The following RAP1GDS1 variants were observed in gnomAD, a reference collection of about 807,000 sequenced individuals.
The protein encoded by RAP1GDS1 is RAP1, GTP-GDP dissociation stimulator 1.
A neutral mutation model predicts 71.1 loss-of-function variants in RAP1GDS1; 35 were observed. The ratio of observed to expected loss-of-function variants is 0.49; its 90% confidence interval spans 0.38 to 0.65. The LOEUF is 0.65. Among genes scored for constraint, RAP1GDS1 ranks in the 30% least tolerant of loss-of-function variants. The pLI is 0.00. For missense variants in RAP1GDS1, 663 were observed against 706.1 expected, an observed-to-expected ratio of 0.94 and a Z score of 0.69; for synonymous variants, 229 against 243.1, an observed-to-expected ratio of 0.94 and a Z score of 0.54.
At chr4:98,324,029 G>A (rs535288069) in intron 2 of RAP1GDS1, among the ~76,000 whole-genome samples, 21 of 150,902 alleles carry the variant, frequency 1.4e-4, no homozygotes, top group Admixed American at 7.9e-4. Flanking sequence ...AAACCCCATC[G>A]TCTCAGCCCA....
intron 2 of RAP1GDS1, among the ~76,000 whole-genome samples, chr4:98,319,418 G>A (rs540011002): frequency 2.0e-5 from 3 of 152,276 alleles, no homozygotes; most frequent in East Asian, 3.9e-4. Flanking sequence ...GATGTAATAT[G>A]TATTGGTTTA....
intron 1 of RAP1GDS1, among the ~76,000 whole-genome samples, chr4:98,264,661 A>T (rs1722489587): frequency 6.6e-6 from 1 of 152,184 alleles, no homozygotes; most frequent in Non-Finnish European, 1.5e-5. Flanking sequence ...ATTATAATAG[A>T]AGTAAAAGTA....
rs779613991 is a variant in RAP1GDS1 at position 98,379,102 on chromosome 4, C to T, written c.447C>T (p.Pro149=). 78 of 1,610,218 alleles carry T rather than the reference C, an allele frequency of 4.8e-5. No individual in the cohort carries two copies. Among genetic ancestry groups the T allele is most frequent in the South Asian group, 1.1e-4 (10 of 90,608 alleles). The change falls in exon 5 of 15, where the codon CCC becomes CCT. Residue 149 remains proline (P), a synonymous_variant. Coordinates refer to ENST00000408927, the MANE Select transcript of RAP1GDS1 (RefSeq NM_001100427.2). The part of the protein sequence containing the change: ...HLRSLCSITD[P]ANEKLLTVFC... ...GGTCACTGTGCAGTATAACAGATCC[C>T]GCCAATGAGAAGCTCTTGACTGTCT...
chr4:98,352,451 A>C (rs1405121742), intron 3 of RAP1GDS1, 25 bp from the exon 4 acceptor site: 1 of 1,606,744 alleles, frequency 6.2e-7, no homozygotes, highest in East Asian at 2.2e-5. Context: ...TTAGATTTTT[A>C]ATTAAACATG....
At chr4:98,413,320 C>G (rs1747366157) in intron 7 of RAP1GDS1, among the ~76,000 whole-genome samples, 1 of 152,058 alleles carries the variant, frequency 6.6e-6, no homozygotes, top group East Asian at 1.9e-4. Context: ...GCTGCACCCA[C>G]TAACTCGTCA....
chr4:98,419,126 G>C (rs866833058), intron 10 of RAP1GDS1, among the ~76,000 whole-genome samples: 19 of 152,138 alleles, frequency 1.2e-4, no homozygotes, highest in African/African-American at 4.6e-4. Context: ...CGCAGTCCTG[G>C]CTCACCACAG....
intron 10 of RAP1GDS1, among the ~76,000 whole-genome samples, chr4:98,419,269 G>A (rs1748465065): frequency 6.6e-6 from 1 of 151,972 alleles, no homozygotes; most frequent in Non-Finnish European, 1.5e-5. Context: ...GCCTAGGCTG[G>A]TCTTGAACTC....
At chr4:98,433,877 A>G (rs1352549806) in intron 12 of RAP1GDS1, 59 bp from the exon 13 acceptor site, 1 of 1,490,828 alleles carries the variant, frequency 6.7e-7, no homozygotes, top group South Asian at 1.2e-5. Flanking sequence ...ACTGATTTTA[A>G]TGCATGTTCC....
At position 98,404,609 on chromosome 4, in the gene RAP1GDS1, A is replaced by C. The variant is rs577812275; in HGVS notation, c.763+7A>C. The C allele has an allele frequency of 1.0e-5, 16 of 1,597,800 alleles. No individual in the cohort carries two copies. In the East Asian group the frequency reaches 3.4e-4, roughly 34 times the overall value. On this transcript the variant is annotated splice_region_variant and intron_variant, in intron 7 of 14. Coordinates refer to ENST00000408927, the MANE Select transcript of RAP1GDS1 (RefSeq NM_001100427.2). ...GCTCCATTGGCAGAAAATGGTGAGAAACTTAAATGCACCTTTGGATTTTTG... is the reference window on the plus strand; with the variant it reads ...GCTCCATTGGCAGAAAATGGTGAGACACTTAAATGCACCTTTGGATTTTTG...
At chr4:98,361,484 G>C (rs1424970354) in intron 4 of RAP1GDS1, among the ~76,000 whole-genome samples, 1 of 152,004 alleles carries the variant, frequency 6.6e-6, no homozygotes, top group Non-Finnish European at 1.5e-5. Flanking sequence ...TAAAAATATA[G>C]GGAGTAAAGA....
intron 13 of RAP1GDS1, among the ~76,000 whole-genome samples, chr4:98,435,505 C>T (rs2110220584): frequency 6.6e-6 from 1 of 152,176 alleles, no homozygotes; most frequent in South Asian, 2.1e-4. Context: ...TCAAGAAGGT[C>T]TTGAATCCTT....
intron 4 of RAP1GDS1, among the ~76,000 whole-genome samples, chr4:98,353,251 C>T (rs1365453559): frequency 2.6e-5 from 4 of 152,190 alleles, no homozygotes; most frequent in Non-Finnish European, 5.9e-5. Context: ...GTATATTTAG[C>T]TTAACTAGGC....
intron 2 of RAP1GDS1, among the ~76,000 whole-genome samples, chr4:98,330,659 G>A (rs1337576636): frequency 3.3e-5 from 5 of 151,456 alleles, no homozygotes; most frequent in South Asian, 4.2e-4. Context: ...CTTCCTAGAC[G>A]GGATGACGGC....
intron 2 of RAP1GDS1, 43 bp downstream of exon 2, chr4:98,293,558 A>AAGACAG: frequency 7.0e-7 from 1 of 1,421,014 alleles, no homozygotes; most frequent in South Asian, 1.2e-5. Context: ...GAAGAAAATC[A>AAGACAG]AATCAGTAGT....
intron 2 of RAP1GDS1, among the ~76,000 whole-genome samples, chr4:98,334,807 A>G (rs558094908): frequency 9.1e-4 from 138 of 151,156 alleles, no homozygotes; most frequent in African/African-American, 3.3e-3. Flanking sequence ...TTGTAAAGCT[A>G]TTAATTTGAA....
chr4:98,343,341 A>G (rs2110397859), intron 3 of RAP1GDS1, 80 bp downstream of exon 3: 1 of 1,462,354 alleles, frequency 6.8e-7, no homozygotes, highest in Non-Finnish European at 9.4e-7. Flanking sequence ...TTATTAATTT[A>G]TGTTTTAATT....
intron 5 of RAP1GDS1, among the ~76,000 whole-genome samples, chr4:98,389,494 A>G (rs1743279664): frequency 6.6e-6 from 1 of 152,122 alleles, no homozygotes; most frequent in Admixed American, 6.6e-5. Flanking sequence ...GGATGGCTAT[A>G]TATTTTTCTC....
chr4:98,312,791 T>G (rs148832988), intron 2 of RAP1GDS1, among the ~76,000 whole-genome samples: 435 of 151,862 alleles, frequency 2.9e-3, no homozygotes, highest in African/African-American at 7.3e-3. Context: ...ATTTAAGGGC[T>G]GGTCACGGTG....
intron 2 of RAP1GDS1, among the ~76,000 whole-genome samples, chr4:98,293,829 C>T (rs1309110258): frequency 6.6e-6 from 1 of 152,020 alleles, no homozygotes; most frequent in Non-Finnish European, 1.5e-5. Flanking sequence ...TTTTTCTTAG[C>T]ACCTACATCT....
Sources: gnomAD v4.1 joint callset for allele counts (sites outside exome capture counted in the v4.1 genomes callset) on GRCh38, gnomAD v4.1.1 for gene constraint, MANE v1.5 for transcripts, NCBI Gene and HGNC (gene_info 2026-07-23, HGNC 2026-07-21) for gene names.